The following SNX10 variants were observed in gnomAD, a reference collection of about 807,000 sequenced individuals.
SNX10 encodes the protein sorting nexin-10.
A neutral mutation model predicts 28.5 loss-of-function variants in SNX10; 25 were observed. The observed-to-expected ratio is 0.88, with a 90% confidence interval of 0.64 to 1.22. The LOEUF (loss-of-function observed/expected upper bound fraction) is 1.22, where lower values mean the gene tolerates loss of function less well. Among genes scored for constraint, SNX10 ranks in the 50% most tolerant of loss-of-function variants. The pLI, the probability that SNX10 is intolerant of heterozygous loss-of-function variation, is 0.00. For missense variants in SNX10, 223 were observed against 242.6 expected (o/e 0.92, Z 0.54); for synonymous variants, 62 against 81.4 (o/e 0.76, Z 1.28).
intron 5 of SNX10, among the ~76,000 whole-genome samples, 198 bp from the exon 6 acceptor site, chr7:26,371,623 C>A (rs1789541051): frequency 1.3e-5 from 2 of 152,054 alleles, no homozygotes; most frequent in South Asian, 4.1e-4. Context: ...CATGTTTTTA[C>A]CCACCTAAAT....
intron 1 of SNX10, among the ~76,000 whole-genome samples, chr7:26,318,528 C>T (rs999629584): frequency 2.8e-4 from 42 of 152,082 alleles, no homozygotes; most frequent in African/African-American, 9.7e-4. Flanking sequence ...AGTGCAATGG[C>T]GAGATCATGG....
chr7:26,333,594 G>T (rs1787821854), intron 1 of SNX10, among the ~76,000 whole-genome samples: 1 of 152,120 alleles, frequency 6.6e-6, no homozygotes, highest in Non-Finnish European at 1.5e-5. Flanking sequence ...AAAGTGCTGG[G>T]ATTACAGGCG....
intron 1 of SNX10, among the ~76,000 whole-genome samples, chr7:26,314,987 GAC>G (rs1316661838): frequency 9.8e-5 from 4 of 40,870 alleles, no homozygotes; most frequent in Non-Finnish European, 1.9e-4. Flanking sequence ...GACCAAGTGA[GAC>G]TGTCTCAAAA....
chr7:26,314,264 ATT>A (rs11352827), intron 1 of SNX10, among the ~76,000 whole-genome samples: 4 of 149,896 alleles, frequency 2.7e-5, no homozygotes, highest in East Asian at 3.9e-4. Context: ...CTACTGTTCA[ATT>A]TTTTTTTTTG....
At chr7:26,335,281 C>T (rs1328896793) in intron 1 of SNX10, among the ~76,000 whole-genome samples, 8 of 152,184 alleles carry the variant, frequency 5.3e-5, no homozygotes, top group Non-Finnish European at 8.8e-5. Flanking sequence ...ACACAAGAAC[C>T]TCTGGTCCCT....
chr7:26,372,023 G>A lies in SNX10; in HGVS notation c.514G>A (p.Asp172Asn), dbSNP rs767420749. 1 of 1,596,424 alleles carries A rather than the reference G, an allele frequency of 6.3e-7. No homozygotes were observed. Among genetic ancestry groups the A allele is most frequent in the Non-Finnish European group, 8.6e-7 (1 of 1,165,256 alleles). Reference sequence around the variant, plus strand: ...AAAAAAAGAAAATGATATAGATTATGATTCAGAAAGGTATTTCCTTGCATT... The same window carrying A: ...AAAAAAAGAAAATGATATAGATTATAATTCAGAAAGGTATTTCCTTGCATT... ...EGKKENDIDYDSESSSSGLGH... is the reference protein window; with the variant it reads ...EGKKENDIDYNSESSSSGLGH... The change falls in exon 6 of 7, where the codon GAT (aspartate) becomes AAT (asparagine). Residue 172 changes from aspartate to asparagine, a missense_variant. Physicochemically the swap from Asp to Asn is conservative, Grantham distance 23. Coordinates refer to ENST00000338523, the MANE Select transcript of SNX10 (RefSeq NM_013322.3).
chr7:26,330,852 CA>C (rs767579238), intron 1 of SNX10, among the ~76,000 whole-genome samples: 11 of 151,822 alleles, frequency 7.2e-5, no homozygotes, highest in Non-Finnish European at 1.2e-4. Flanking sequence ...AGACCTTTCT[CA>C]AAAAAACAGA....
intron 1 of SNX10, among the ~76,000 whole-genome samples, chr7:26,314,343 T>C (rs1231420694): frequency 1.3e-5 from 2 of 151,842 alleles, no homozygotes; most frequent in Admixed American, 1.3e-4. Flanking sequence ...CTGCAACCTC[T>C]GCCTCCATTC....
chr7:26,320,173 G>A (rs1016711472), intron 1 of SNX10, among the ~76,000 whole-genome samples: 10 of 151,662 alleles, frequency 6.6e-5, no homozygotes, highest in African/African-American at 1.7e-4. Context: ...GTAGAGACAC[G>A]GTTTCACCTT....
chr7:26,357,099 G>A (rs1788854103), intron 2 of SNX10: 2 of 1,171,532 alleles, frequency 1.7e-6, no homozygotes, highest in Non-Finnish European at 1.1e-6. Flanking sequence ...CCCTACAGGA[G>A]CTTAGCGTCT....
At chr7:26,292,198 C>T (rs1584075898) in intron 1 of SNX10, 112 bp downstream of exon 1, 1 of 152,416 alleles carries the variant, frequency 6.6e-6, no homozygotes, top group Non-Finnish European at 1.5e-5. Flanking sequence ...GTGCCCGCAC[C>T]CTTGCGGGCT....
chr7:26,337,474 TTCCTC>T (rs1787986068), intron 1 of SNX10, among the ~76,000 whole-genome samples: 1 of 152,204 alleles, frequency 6.6e-6, no homozygotes, highest in Non-Finnish European at 1.5e-5. Flanking sequence ...CTTTCACCCT[TTCCTC>T]TAGCCCTTGG....
intron 1 of SNX10, among the ~76,000 whole-genome samples, chr7:26,314,606 T>C (rs1786994915): frequency 6.6e-6 from 1 of 152,224 alleles, no homozygotes; most frequent in South Asian, 2.1e-4. Flanking sequence ...ATTTCCGTAG[T>C]ATATGCAGTT....
intron 1 of SNX10, among the ~76,000 whole-genome samples, chr7:26,292,387 A>G (rs1217319672): frequency 1.3e-5 from 2 of 152,170 alleles, no homozygotes; most frequent in Admixed American, 1.3e-4. Flanking sequence ...TGGATTCTAG[A>G]TTACGGAAGA....
At chr7:26,352,094 A>G (rs901020504) in intron 2 of SNX10, among the ~76,000 whole-genome samples, 1 of 150,202 alleles carries the variant, frequency 6.7e-6, no homozygotes, top group African/African-American at 2.5e-5. Flanking sequence ...ACCACTCTGT[A>G]CTATCTTCAT....
chr7:26,371,745 C>G, intron 5 of SNX10, 76 bp from the exon 6 acceptor site: 1 of 1,031,114 alleles, frequency 9.7e-7, no homozygotes, highest in Admixed American at 2.2e-5. Flanking sequence ...TGGTACTTTT[C>G]TAATGTTTTT....
intron 5 of SNX10, 64 bp downstream of exon 5, chr7:26,365,209 A>C: frequency 1.1e-6 from 1 of 944,980 alleles, no homozygotes; most frequent in South Asian, 1.3e-5. Flanking sequence ...CAAGAGCTGC[A>C]TGGTGGTGTG....
rs1396024951 is a variant in SNX10 at position 26,292,058 on chromosome 7, C to G, written c.-52C>G. 1.3e-5 allele frequency: 2 copies of G among 151,752 alleles called. No individual in the cohort carries two copies. Among genetic ancestry groups the G allele is most frequent in the African/African-American group, 4.8e-5 (2 of 41,354 alleles). 9.4% of individuals were successfully genotyped at this position (151,752 alleles called of 1,614,324 possible). ...CCCGCAAGCCCGGCTCGGCCCGGCCCTGCTCTGTTCTGCCCGGAGGAGCCG... is the reference window on the plus strand; with the variant it reads ...CCCGCAAGCCCGGCTCGGCCCGGCCGTGCTCTGTTCTGCCCGGAGGAGCCG... On this transcript the variant is annotated 5_prime_UTR_variant, in exon 1 of 7. Transcript: ENST00000338523.
rs1313971946 is a variant in SNX10 at position 26,372,479 on chromosome 7, C to G, written c.525-12C>G. The stretch of plus-strand genomic sequence containing the variant: ...CCTCTTTTTATTATTTTCCCCCTCT[C>G]TTCTTTTCCAGTTCATCCTCTGGGC... On this transcript the variant is annotated splice_polypyrimidine_tract_variant and intron_variant, in intron 6 of 6. Transcript: ENST00000338523. The G allele has an allele frequency of 3.8e-6, 6 of 1,576,018 alleles. No individual in the cohort carries two copies. Among genetic ancestry groups the G allele is most frequent in the Non-Finnish European group, 5.2e-6 (6 of 1,145,692 alleles).
Sources: gnomAD v4.1 joint callset for allele counts (sites outside exome capture counted in the v4.1 genomes callset) on GRCh38, gnomAD v4.1.1 for gene constraint, MANE v1.5 for transcripts, NCBI Gene and HGNC (gene_info 2026-07-23, HGNC 2026-07-21) for gene names.